NCKAP5: variants seen among roughly 807,000 people sequenced by gnomAD.
The protein encoded by NCKAP5 is NCK associated protein 5, also known as nck-associated protein 5.
NCKAP5 carries 92 observed loss-of-function variants against 167.0 expected under a neutral mutation model. The ratio of observed to expected loss-of-function variants is 0.55; its 90% CI spans 0.47 to 0.66. NCKAP5 has a LOEUF of 0.66. Among genes scored for constraint, NCKAP5 ranks in the 30% least tolerant of loss-of-function variants. The probability of loss-of-function intolerance (pLI) is 0.00; values close to 1 mark genes in which losing one functional copy is unlikely to be tolerated. For missense variants in NCKAP5, 2,378 were observed against 2,315.0 expected (o/e 1.03, Z -0.56); for synonymous variants, 891 against 877.4 (o/e 1.02, Z -0.27).
chr2:133,193,661 T>C lies in NCKAP5; in HGVS notation c.207+20055A>G, dbSNP rs182610610. Among the ~76,000 whole-genome samples, 70 of 152,202 alleles carry C rather than the reference T, an allele frequency of 4.6e-4. 1 individual carries two copies. The highest frequency in any genetic ancestry group is 3.4e-3 in the Middle Eastern group (1 of 294). ...TAAACCGGAGAAACTCACCATCTTA[T>C]ATGCCTGTACTAGCGATTCAACCAA... On this transcript the variant is annotated intron_variant, in intron 5 of 19. Transcript: ENST00000409261.
chr2:132,762,205 C>T (rs1309777044), intron 16 of NCKAP5, among the ~76,000 whole-genome samples: 2 of 150,010 alleles, frequency 1.3e-5, no homozygotes, highest in Non-Finnish European at 3.0e-5. Context: ...CATAAAACAC[C>T]CAGGCCAGTG....
intron 13 of NCKAP5, among the ~76,000 whole-genome samples, chr2:132,787,056 G>A (rs1484862526): frequency 6.6e-6 from 1 of 152,134 alleles, no homozygotes; most frequent in Non-Finnish European, 1.5e-5. Context: ...GATTTCTTAA[G>A]AAGGCTATAT....
At chr2:133,198,738 A>G (rs1043095929) in intron 5 of NCKAP5, among the ~76,000 whole-genome samples, 1 of 152,150 alleles carries the variant, frequency 6.6e-6, no homozygotes, top group Non-Finnish European at 1.5e-5. Context: ...ATTCAATGCT[A>G]TTATTAAAAA....
At chr2:133,313,814 T>C (rs1330680808) in intron 3 of NCKAP5, among the ~76,000 whole-genome samples, 1 of 152,192 alleles carries the variant, frequency 6.6e-6, no homozygotes, top group Non-Finnish European at 1.5e-5. Context: ...CAACCTCTAT[T>C]TTTCATTTGA....
At chr2:133,003,355 T>C (rs2077852708) in intron 6 of NCKAP5, among the ~76,000 whole-genome samples, 1 of 152,194 alleles carries the variant, frequency 6.6e-6, no homozygotes. Context: ...TTCCCTCAGG[T>C]TTGTGAGTCT....
At chr2:132,899,206 C>T (rs970827399) in intron 8 of NCKAP5, among the ~76,000 whole-genome samples, 3 of 152,216 alleles carry the variant, frequency 2.0e-5, no homozygotes, top group African/African-American at 7.2e-5. Flanking sequence ...ATGGTGACAC[C>T]TTCTTTCCCT....
chr2:133,615,924 A>G, the NCKAP5 span, among the ~76,000 whole-genome samples: 11 of 151,400 alleles, frequency 7.3e-5, no homozygotes, highest in African/African-American at 2.7e-4. Context: ...CAGCAAATGT[A>G]AAAGAACAGA....
At chr2:132,905,283 C>G (rs1190327699) in intron 8 of NCKAP5, among the ~76,000 whole-genome samples, 1 of 152,112 alleles carries the variant, frequency 6.6e-6, no homozygotes, top group Non-Finnish European at 1.5e-5. Flanking sequence ...TTTTGCAAGA[C>G]TTATGGCAGC....
At chr2:132,890,358 TA>T (rs1213460704) in intron 8 of NCKAP5, among the ~76,000 whole-genome samples, 3 of 151,938 alleles carry the variant, frequency 2.0e-5, no homozygotes, top group African/African-American at 7.2e-5. Context: ...GGAGCTATGC[TA>T]GGGGGTATAC....
chr2:133,107,840 C>G (rs1317726529), intron 6 of NCKAP5, among the ~76,000 whole-genome samples: 1 of 152,208 alleles, frequency 6.6e-6, no homozygotes, highest in Admixed American at 6.5e-5. Flanking sequence ...GCATATTCCT[C>G]TAAGGTAGGA....
chr2:133,508,605 C>T lies in NCKAP5; in HGVS notation c.69+8853G>A, dbSNP rs575258606. Among the ~76,000 whole-genome samples, 9 of 152,294 alleles carry T rather than the reference C, an allele frequency of 5.9e-5. No homozygotes were observed. The South Asian group carries it at 1.7e-3, about 28-fold the overall frequency. ...TCTTATCAGAGAGAACACCCAGATG[C>T]CTGTTAGGTTTGGGACCAGCTTCTA... On this transcript the variant is annotated intron_variant, in intron 3 of 19. Coordinates refer to ENST00000409261, the MANE Select transcript of NCKAP5 (RefSeq NM_207363.3).
intron 8 of NCKAP5, among the ~76,000 whole-genome samples, chr2:132,958,397 G>A (rs560311684): frequency 1.3e-5 from 2 of 152,162 alleles, no homozygotes; most frequent in South Asian, 4.2e-4. Flanking sequence ...CTTCTACCTG[G>A]TCTCCCTGCC....
chr2:132,832,757 C>T (rs1178165359), intron 11 of NCKAP5, among the ~76,000 whole-genome samples: 3 of 152,104 alleles, frequency 2.0e-5, no homozygotes, highest in Non-Finnish European at 4.4e-5. Flanking sequence ...ATTTCTTTAT[C>T]CAATAATCTG....
the NCKAP5 span, among the ~76,000 whole-genome samples, chr2:133,646,880 A>G: frequency 6.6e-6 from 1 of 152,212 alleles, no homozygotes; most frequent in African/African-American, 2.4e-5. Flanking sequence ...TTTGTATGCA[A>G]TTAAACTTTG....
chr2:133,617,430 A>C, the NCKAP5 span, among the ~76,000 whole-genome samples: 2 of 147,828 alleles, frequency 1.4e-5, no homozygotes, highest in Non-Finnish European at 3.0e-5. Context: ...AAATCTCCTT[A>C]AGCTGATAAG....
intron 3 of NCKAP5, among the ~76,000 whole-genome samples, chr2:133,308,149 C>A (rs377356305): frequency 7.9e-6 from 1 of 126,664 alleles, no homozygotes; most frequent in South Asian, 2.5e-4. Flanking sequence ...AGTGCAGTGG[C>A]GGGATCTCGG....
chr2:133,665,928 T>C, the NCKAP5 span, among the ~76,000 whole-genome samples: 3 of 150,616 alleles, frequency 2.0e-5, no homozygotes, highest in Admixed American at 6.6e-5. Flanking sequence ...ATTTGGTGAA[T>C]GCTAAAGCTA....
At chr2:133,538,946 T>G (rs1685989971) in intron 2 of NCKAP5, among the ~76,000 whole-genome samples, 3 of 137,516 alleles carry the variant, frequency 2.2e-5, no homozygotes, top group South Asian at 2.5e-4. Flanking sequence ...TTTTTTTTTT[T>G]TTTTTTTTTT....
intron 16 of NCKAP5, among the ~76,000 whole-genome samples, chr2:132,761,565 T>C (rs970125612): frequency 6.6e-6 from 1 of 152,260 alleles, no homozygotes. Context: ...TTTTATATTA[T>C]ATCCTATACT....
Sources: gnomAD v4.1 joint callset for allele counts (sites outside exome capture counted in the v4.1 genomes callset) on GRCh38, gnomAD v4.1.1 for gene constraint, MANE v1.5 for transcripts, NCBI Gene and HGNC (gene_info 2026-07-23, HGNC 2026-07-21) for gene names.